MAP2: variants seen among roughly 807,000 people sequenced by gnomAD.
MAP2 encodes the protein microtubule associated protein 2.
MAP2 carries 14 observed loss-of-function variants against 137.6 expected under a neutral mutation model. The ratio of observed to expected loss-of-function variants is 0.10; its 90% confidence interval spans 0.07 to 0.16. The LOEUF (loss-of-function observed/expected upper bound fraction) is 0.16, where lower values mean the gene tolerates loss of function less well. Ranked by LOEUF, MAP2 falls within the 10% of genes least tolerant of loss-of-function variation. The pLI is 1.00. For missense variants in MAP2, 2,088 were observed against 2,191.5 expected, an observed-to-expected ratio of 0.95 and a Z score of 0.94; for synonymous variants, 786 against 782.3, an observed-to-expected ratio of 1.00 and a Z score of -0.08.
chr2:209,722,815 T>A (rs1404680668), intron 13 of MAP2, among the ~76,000 whole-genome samples: 1 of 152,220 alleles, frequency 6.6e-6, no homozygotes, highest in Admixed American at 6.5e-5. Context: ...TCAAATCTGC[T>A]GGCCTCAATC....
intron 2 of MAP2, among the ~76,000 whole-genome samples, chr2:209,546,280 A>G (rs2068050563): frequency 6.6e-6 from 1 of 152,242 alleles, no homozygotes; most frequent in Non-Finnish European, 1.5e-5. Flanking sequence ...GTATACATGT[A>G]GATTCCCACT....
intron 2 of MAP2, among the ~76,000 whole-genome samples, chr2:209,574,874 A>G (rs1336832821): frequency 6.6e-6 from 1 of 152,238 alleles, no homozygotes; most frequent in Non-Finnish European, 1.5e-5. Context: ...ATTTAGAATA[A>G]CAAACTCAAG....
chr2:209,694,190 C>A lies in MAP2; in HGVS notation c.2020C>A (p.His674Asn). The change falls in exon 8 of 16, where the codon CAC (histidine) becomes AAC (asparagine). Residue 674 changes from histidine to asparagine, a missense_variant. By Grantham distance (68) the His-to-Asn change is moderately conservative. Transcript: ENST00000682079. ...AGTGTATGGAGAGAAAAGGGACCTC[C>A]ACAGTAAGAATAAGGATGATTTGAC... ...PKVYGEKRDLHSKNKDDLTLS... is the reference protein window; with the variant it reads ...PKVYGEKRDLNSKNKDDLTLS... 3 of 1,614,074 alleles carry A rather than the reference C, an allele frequency of 1.9e-6. No individual in the cohort carries two copies. The highest frequency in any genetic ancestry group is 2.5e-6 in the Non-Finnish European group (3 of 1,179,990).
intron 2 of MAP2, among the ~76,000 whole-genome samples, chr2:209,569,832 C>T (rs16843132): frequency 0.02 from 2,995 of 151,736 alleles, 96 homozygotes; most frequent in African/African-American, 0.068. Context: ...TGTTAAGATA[C>T]GTACTTTACT....
At chr2:209,588,424 C>A (rs989074579) in intron 3 of MAP2, among the ~76,000 whole-genome samples, 1 of 152,036 alleles carries the variant, frequency 6.6e-6, no homozygotes, top group Non-Finnish European at 1.5e-5. Context: ...TACATTATGA[C>A]CATTTTAAAA....
chr2:209,554,349 T>C (rs1300785606), intron 2 of MAP2, among the ~76,000 whole-genome samples: 3 of 152,182 alleles, frequency 2.0e-5, no homozygotes, highest in South Asian at 2.1e-4. Flanking sequence ...CAGCGTCCTA[T>C]ATTCTAGGAC....
intron 9 of MAP2, 68 bp from the exon 10 acceptor site, chr2:209,696,849 T>C: frequency 6.5e-7 from 1 of 1,548,832 alleles, no homozygotes; most frequent in Non-Finnish European, 8.7e-7. Context: ...TTATAAAATT[T>C]CGTTCGGTTT....
intron 5 of MAP2, among the ~76,000 whole-genome samples, chr2:209,664,480 G>T (rs1350574549): frequency 6.6e-6 from 1 of 152,154 alleles, no homozygotes; most frequent in African/African-American, 2.4e-5. Context: ...AATCCAGGAG[G>T]TGGAGGTTAC....
intron 3 of MAP2, among the ~76,000 whole-genome samples, chr2:209,593,925 A>T (rs1279586962): frequency 3.7e-5 from 3 of 82,126 alleles, no homozygotes; most frequent in Non-Finnish European, 5.0e-5. Context: ...TATATTATTA[A>T]AATATATAAA....
chr2:209,700,982 A>G (rs920101835), intron 11 of MAP2, among the ~76,000 whole-genome samples: 3 of 152,116 alleles, frequency 2.0e-5, no homozygotes, highest in African/African-American at 4.8e-5. Context: ...ATACTTAATC[A>G]ATTTCCTATT....
chr2:209,725,905 T>G (rs1249300236), intron 14 of MAP2, 115 bp downstream of exon 14: 6 of 573,894 alleles, frequency 1.0e-5, no homozygotes, highest in Non-Finnish European at 1.8e-5. Context: ...AAAATATGGG[T>G]ACTTCACATT....
chr2:209,600,254 T>C (rs2082592089), intron 3 of MAP2, among the ~76,000 whole-genome samples: 1 of 152,134 alleles, frequency 6.6e-6, no homozygotes, highest in Non-Finnish European at 1.5e-5. Context: ...CTGTATATTA[T>C]CCAAAGTCAC....
chr2:209,596,872 G>T (rs2081424891), intron 3 of MAP2, among the ~76,000 whole-genome samples: 1 of 152,142 alleles, frequency 6.6e-6, no homozygotes, highest in Non-Finnish European at 1.5e-5. Flanking sequence ...AATAATTAAT[G>T]TAGTATAGAT....
intron 2 of MAP2, among the ~76,000 whole-genome samples, chr2:209,578,419 GAAA>G (rs67981173): frequency 7.1e-6 from 1 of 141,392 alleles, no homozygotes. Flanking sequence ...TTTCAAGAAG[GAAA>G]AAAAAAAAAA....
intron 2 of MAP2, among the ~76,000 whole-genome samples, chr2:209,507,978 A>C (rs288066): frequency 0.018 from 2,697 of 152,240 alleles, 81 homozygotes; most frequent in African/African-American, 0.062. Flanking sequence ...GACCTTTCAA[A>C]GAATGGTCAG....
chr2:209,586,808 G>A (rs984526083), intron 3 of MAP2, among the ~76,000 whole-genome samples: 38 of 152,150 alleles, frequency 2.5e-4, no homozygotes, highest in Admixed American at 9.2e-4. Context: ...TTAGTAAAAG[G>A]CTAGAAGGCA....
At chr2:209,453,236 G>A (rs1700703947) in intron 1 of MAP2, among the ~76,000 whole-genome samples, 1 of 151,804 alleles carries the variant, frequency 6.6e-6, no homozygotes, top group Non-Finnish European at 1.5e-5. Context: ...CTGAACCCCT[G>A]GATATTCTCT....
chr2:209,665,489 T>C (rs1219474370), intron 5 of MAP2, among the ~76,000 whole-genome samples: 4 of 152,242 alleles, frequency 2.6e-5, no homozygotes, highest in East Asian at 3.8e-4. Flanking sequence ...TGCACTGTTC[T>C]AGGTCAAGTA....
chr2:209,625,391 G>C (rs951919070), intron 4 of MAP2, among the ~76,000 whole-genome samples: 1 of 152,178 alleles, frequency 6.6e-6, no homozygotes, highest in Non-Finnish European at 1.5e-5. Context: ...AATTCAGCCT[G>C]TCTCTCCTGC....
Sources: allele counts gnomAD v4.1 joint callset (sites outside exome capture counted in the v4.1 genomes callset), GRCh38; gene constraint gnomAD v4.1.1; transcripts MANE v1.5; gene names NCBI Gene and HGNC (gene_info 2026-07-23, HGNC 2026-07-21).